Variants in PDZD2 observed in about 807,000 individuals in gnomAD.
The protein encoded by PDZD2 is PDZ domain-containing protein 2.
PDZD2 carries 90 observed loss-of-function variants against 220.7 expected under a neutral mutation model. The observed-to-expected ratio is 0.41, with a 90% confidence interval of 0.34 to 0.49. The LOEUF is 0.49. Ranked by LOEUF, PDZD2 falls within the 20% of genes least tolerant of loss-of-function variation. The pLI, the probability that PDZD2 is intolerant of heterozygous loss-of-function variation, is 0.28. For synonymous variants in PDZD2, 1,375 were observed against 1,450.5 expected, an observed-to-expected ratio of 0.95 and a Z score of 1.18; for missense variants, 3,174 against 3,608.5, an observed-to-expected ratio of 0.88 and a Z score of 3.08.
chr5:31,671,698 G>T (rs146993955), intron 1 of PDZD2, among the ~76,000 whole-genome samples: 1 of 152,160 alleles, frequency 6.6e-6, no homozygotes, highest in African/African-American at 2.4e-5. Flanking sequence ...CCAGGCACCC[G>T]CGGCCTCCAC....
chr5:31,711,163 T>C (rs1748084321), intron 1 of PDZD2, among the ~76,000 whole-genome samples: 1 of 152,052 alleles, frequency 6.6e-6, no homozygotes, highest in East Asian at 1.9e-4. Flanking sequence ...TCATCATGGA[T>C]GGATATTGGT....
In PDZD2 at chr5:31,770,231, G is replaced by C. The variant is rs183365831; in HGVS notation, c.-360-28658G>C. Among the ~76,000 whole-genome samples, 30 of 152,234 alleles carry C rather than the reference G, an allele frequency of 2.0e-4. No homozygotes were observed. The South Asian group carries it at 3.3e-3, about 17-fold the overall frequency. ...CACAGCTTCTTAAGCCAAACCGATG[G>C]TGTCAGAGTTTTGAGATCTGACACC... On this transcript the variant is annotated intron_variant, in intron 1 of 24. Coordinates refer to ENST00000438447, the MANE Select transcript of PDZD2 (RefSeq NM_178140.4).
intron 2 of PDZD2, among the ~76,000 whole-genome samples, chr5:31,929,710 G>A (rs66884844): frequency 0.06 from 9,140 of 151,660 alleles, 353 homozygotes; most frequent in Non-Finnish European, 0.085. Context: ...AAATCAGCCG[G>A]GTGTGGTGCT....
chr5:31,809,804 G>A (rs896683054), intron 2 of PDZD2, among the ~76,000 whole-genome samples: 1 of 152,120 alleles, frequency 6.6e-6, no homozygotes, highest in African/African-American at 2.4e-5. Flanking sequence ...TAAAAAGAGC[G>A]ACTTTCCATC....
At chr5:31,657,636 T>C (rs1281314064) in intron 1 of PDZD2, among the ~76,000 whole-genome samples, 1 of 152,182 alleles carries the variant, frequency 6.6e-6, no homozygotes, top group African/African-American at 2.4e-5. Flanking sequence ...GCATTTTTTA[T>C]GGGATGGTCA....
At chr5:31,781,732 C>T (rs6896536) in intron 1 of PDZD2, among the ~76,000 whole-genome samples, 82,679 of 152,010 alleles carry the variant, frequency 0.54, 22,779 homozygotes, top group East Asian at 0.6. Flanking sequence ...CTATTTCTGA[C>T]CTTTTCTTTC....
intron 8 of PDZD2, among the ~76,000 whole-genome samples, chr5:32,050,488 C>A (rs1270307300): frequency 1.3e-5 from 2 of 152,034 alleles, no homozygotes; most frequent in Non-Finnish European, 2.9e-5. Context: ...CTTTTTCTCC[C>A]AGGATTCATC....
At chr5:31,648,260 C>T (rs1397335120) in intron 1 of PDZD2, among the ~76,000 whole-genome samples, 2 of 152,160 alleles carry the variant, frequency 1.3e-5, no homozygotes, top group African/African-American at 4.8e-5. Flanking sequence ...GTTCCAGACT[C>T]ATGTGCCCCA....
chr5:31,911,868 G>A (rs181073939), intron 2 of PDZD2, among the ~76,000 whole-genome samples: 186 of 152,262 alleles, frequency 1.2e-3, no homozygotes, highest in African/African-American at 3.8e-3. Context: ...GACCCTTGCC[G>A]CCTCTGTCAC....
intron 14 of PDZD2, among the ~76,000 whole-genome samples, chr5:32,064,782 A>G (rs1408602351): frequency 6.6e-6 from 1 of 151,550 alleles, no homozygotes; most frequent in Non-Finnish European, 1.5e-5. Context: ...AGCCTGGCCA[A>G]CATAGCAAAA....
chr5:31,987,990 A>C lies in PDZD2; in HGVS notation c.978+4334A>C, dbSNP rs1750847165. The stretch of plus-strand genomic sequence containing the variant: ...ACCTGCCTCTCTCTTTACTCCCATA[A>C]CTTCAGGTCAGGGCTAGGCTGCTTT... On this transcript the variant is annotated intron_variant, in intron 3 of 24. Transcript: ENST00000438447. Among the ~76,000 whole-genome samples the C allele has an allele frequency of 2.6e-5, 4 of 151,914 alleles. No homozygotes were observed. The South Asian group carries it at 8.4e-4, about 32-fold the overall frequency.
At chr5:31,846,563 G>A (rs1382372146) in intron 2 of PDZD2, among the ~76,000 whole-genome samples, 1 of 152,160 alleles carries the variant, frequency 6.6e-6, no homozygotes, top group Non-Finnish European at 1.5e-5. Flanking sequence ...TTTTAATTCT[G>A]GGCATCATGT....
chr5:32,092,951 A>G lies in PDZD2; in HGVS notation c.7772A>G (p.Gln2591Arg). ...LVSAGDQQRL[Q>R]SVLSSVGSKS... is the part of the protein sequence containing the mutation. Reference sequence around the variant, plus strand: ...TCAGCGGGGGACCAGCAAAGATTACAGTCTGTTTTATCGTCAGTGGGATCG... The same window carrying G: ...TCAGCGGGGGACCAGCAAAGATTACGGTCTGTTTTATCGTCAGTGGGATCG... Residue 2591 changes from glutamine to arginine, a missense_variant, in exon 21 of 25, where the codon CAG becomes CGG. This residue lies in a region of PDZD2 where 631 missense variants were observed against 789.9 expected (regional missense o/e 0.80). Coordinates refer to ENST00000438447, the MANE Select transcript of PDZD2 (RefSeq NM_178140.4). 1 of 1,606,710 alleles carries G rather than the reference A, an allele frequency of 6.2e-7. No individual in the cohort carries two copies. Among genetic ancestry groups the G allele is most frequent in the Non-Finnish European group, 8.5e-7 (1 of 1,173,368 alleles).
intron 6 of PDZD2, among the ~76,000 whole-genome samples, chr5:32,017,569 A>G (rs1753876881): frequency 2.0e-5 from 3 of 152,210 alleles, no homozygotes; most frequent in Admixed American, 2.0e-4. Context: ...CTGGGATAAG[A>G]ATATCAGTGA....
intron 6 of PDZD2, among the ~76,000 whole-genome samples, chr5:32,029,259 A>G (rs1012057381): frequency 7.2e-6 from 1 of 139,554 alleles, no homozygotes; most frequent in African/African-American, 2.6e-5. Flanking sequence ...CAGTCCCTAG[A>G]CAGTTGTCCT....
chr5:31,864,414 G>T (rs943753468), intron 2 of PDZD2, among the ~76,000 whole-genome samples: 1 of 152,124 alleles, frequency 6.6e-6, no homozygotes, highest in Admixed American at 6.5e-5. Flanking sequence ...TTTCCTGCTG[G>T]ACTCTGACTG....
Position 32,060,997 on chromosome 5 carries a change from C to T in PDZD2, c.2319-5C>T. 1.2e-6 allele frequency: 2 copies of T among 1,614,152 alleles called. No homozygotes were observed. Among genetic ancestry groups the T allele is most frequent in the Non-Finnish European group, 1.7e-6 (2 of 1,179,996 alleles). On this transcript the variant is annotated splice_polypyrimidine_tract_variant and splice_region_variant and intron_variant, in intron 13 of 24. Transcript: ENST00000438447. ...ACAGAGTGTGGATTCTGTTGCCCTC[C>T]CTAGCCGCGGGGATCAAATCCTGGA...
intron 2 of PDZD2, among the ~76,000 whole-genome samples, chr5:31,803,759 G>A (rs1754544326): frequency 6.6e-6 from 1 of 152,018 alleles, no homozygotes; most frequent in Non-Finnish European, 1.5e-5. Context: ...AGAAAATAGG[G>A]GCAAGGTAGC....
intron 2 of PDZD2, among the ~76,000 whole-genome samples, chr5:31,925,761 C>T (rs370738731): frequency 7.3e-6 from 1 of 137,620 alleles, no homozygotes; most frequent in African/African-American, 2.7e-5. Flanking sequence ...AGCCAACAAG[C>T]AAAAAAAAAA....
Sources: gnomAD v4.1 joint callset for allele counts (sites outside exome capture counted in the v4.1 genomes callset) on GRCh38, gnomAD v4.1.1 for gene constraint, gnomAD v4.1.1 regional missense constraint, MANE v1.5 for transcripts, NCBI Gene and HGNC (gene_info 2026-07-23, HGNC 2026-07-21) for gene names.